Variants in ITGA6 observed in about 807,000 individuals in gnomAD.
ITGA6 encodes integrin alpha-6.
A neutral mutation model predicts 133.6 loss-of-function variants in ITGA6; 63 were observed. That is an observed-to-expected ratio of 0.47 (90% CI 0.38 to 0.58). The LOEUF (loss-of-function observed/expected upper bound fraction) is 0.58, where lower values mean the gene tolerates loss of function less well. Ranked by LOEUF, ITGA6 falls within the 20% of genes least tolerant of loss-of-function variation. ITGA6 has a pLI of 0.00. For missense variants in ITGA6, 1,068 were observed against 1,309.4 expected (o/e 0.82, Z 2.85); for synonymous variants, 434 against 482.0 (o/e 0.90, Z 1.30).
intron 11 of ITGA6, among the ~76,000 whole-genome samples, chr2:172,481,787 G>T (rs889304824): frequency 6.6e-6 from 1 of 152,262 alleles, no homozygotes; most frequent in Non-Finnish European, 1.5e-5. Context: ...GCATTTTGTC[G>T]AGTGTAGAAA....
chr2:172,469,624 T>A (rs1574369104), intron 4 of ITGA6, among the ~76,000 whole-genome samples: 1 of 152,192 alleles, frequency 6.6e-6, no homozygotes, highest in African/African-American at 2.4e-5. Flanking sequence ...AACTTTTTTT[T>A]AGCAGGAATA....
rs1255176355 is a variant in ITGA6, at chr2:172,427,964, A to G, written c.176A>G (p.Lys59Arg). Reference sequence around the variant, plus strand: ...CACTGGCAACTGCAGCCCGAGGACAAGCGGCTGTGAGTTCCCAGACCCTTC... The same window carrying G: ...CACTGGCAACTGCAGCCCGAGGACAGGCGGCTGTGAGTTCCCAGACCCTTC... ...AMHWQLQPEDKRLLLVGAPRA... is the reference protein window; with the variant it reads ...AMHWQLQPEDRRLLLVGAPRA... Residue 59 changes from lysine to arginine, a missense_variant, in exon 1 of 26, where the codon AAG becomes AGG. Lys to Arg is a conservative substitution (Grantham distance 26). Coordinates refer to ENST00000684293, the MANE Select transcript of ITGA6 (RefSeq NM_000210.4). 3 of 1,603,336 alleles carry G rather than the reference A, an allele frequency of 1.9e-6. No individual in the cohort carries two copies. In the Admixed American group the frequency reaches 5.1e-5, roughly 27 times the overall value.
Position 172,491,058 on chromosome 2 carries a change from C to T in ITGA6, c.2714C>T (p.Thr905Ile). 6.3e-7 allele frequency: 1 copy of T among 1,587,830 alleles called. No homozygotes were observed. Among genetic ancestry groups the T allele is most frequent in the Non-Finnish European group, 8.6e-7 (1 of 1,156,598 alleles). The change falls in exon 21 of 26, where the codon ACT becomes ATT. Residue 905 changes from threonine to isoleucine, a missense_variant. Thr to Ile is a moderately conservative substitution (Grantham distance 89, BLOSUM62 -1). This residue lies in a region of ITGA6 where 609 missense variants were observed against 707.2 expected (regional missense o/e 0.86). Coordinates refer to ENST00000684293, the MANE Select transcript of ITGA6 (RefSeq NM_000210.4). This position sits in a 1 kb window ranked among gnomAD's most constrained non-coding sequence, Gnocchi z 4.4. Reference protein sequence around the residue: ...SHNSRKKREITEKQIDDNRKF... With the variant: ...SHNSRKKREIIEKQIDDNRKF... ...AACTCAAGAAAGAAACGGGAAATTA[C>T]TGAAAAACAGATAGATGATAACAGA...
rs1387685042 is a variant in ITGA6 at position 172,448,441 on chromosome 2, TTG to T, written c.183-17094_183-17093del. Among the ~76,000 whole-genome samples the T allele has an allele frequency of 2.6e-5, 4 of 152,144 alleles. No individual in the cohort carries two copies. The South Asian group carries it at 8.3e-4, about 31-fold the overall frequency. On this transcript the variant is annotated intron_variant, in intron 1 of 25. Coordinates refer to ENST00000684293, the MANE Select transcript of ITGA6 (RefSeq NM_000210.4). ...TGGACAAGTTACTTGTCTTCTCAAT[TTG>T]TGTCCACATTTGTAAAATGGGTAAT...
chr2:172,444,709 T>C (rs999918707), intron 1 of ITGA6, among the ~76,000 whole-genome samples: 3 of 141,532 alleles, frequency 2.1e-5, no homozygotes, highest in African/African-American at 7.9e-5. Flanking sequence ...TTTCTTTCTC[T>C]ACTTCCCTGG....
In ITGA6 at chr2:172,460,010, A is replaced by G. The variant is rs1685366010; in HGVS notation, c.183-5529A>G. Among the ~76,000 whole-genome samples the G allele has an allele frequency of 2.6e-5, 4 of 152,238 alleles. No individual in the cohort carries two copies. The South Asian group carries it at 8.3e-4, about 31-fold the overall frequency. On this transcript the variant is annotated intron_variant, in intron 1 of 25. Transcript: ENST00000684293. The stretch of plus-strand genomic sequence containing the variant: ...AAAGGCAATGAGAAAAGCCAAGGAA[A>G]GCAAGAGTCATGGTCCAAATGTGAA...
intron 3 of ITGA6, among the ~76,000 whole-genome samples, chr2:172,467,869 C>A (rs1290973646): frequency 5.9e-5 from 9 of 152,076 alleles, no homozygotes; most frequent in African/African-American, 2.2e-4. Context: ...CGCCTGTAAT[C>A]CCAGCTACTT....
chr2:172,474,303 T>G, intron 6 of ITGA6, 38 bp downstream of exon 6: 1 of 1,564,404 alleles, frequency 6.4e-7, no homozygotes. Flanking sequence ...TGCAAATCAT[T>G]TCTGCTTTGA....
In ITGA6 at chr2:172,487,645, C is replaced by T. The variant is rs1451255991; in HGVS notation, c.2244+15C>T. 6.2e-7 allele frequency: 1 copy of T among 1,610,820 alleles called. No homozygotes were observed. The highest frequency in any genetic ancestry group is 1.7e-5 in the Admixed American group (1 of 60,016). Reference sequence around the variant, plus strand: ...GAAATTCAAATGTAGGTGATGCCTTCATATACTGTATTTTACTGTTTTAAA... The same window carrying T: ...GAAATTCAAATGTAGGTGATGCCTTTATATACTGTATTTTACTGTTTTAAA... On this transcript the variant is annotated intron_variant, in intron 16 of 25. Coordinates refer to ENST00000684293, the MANE Select transcript of ITGA6 (RefSeq NM_000210.4).
Position 172,488,162 on chromosome 2 carries a change from A to C in ITGA6, c.2439A>C (p.Thr813=), listed in dbSNP as rs763853126. 6.2e-7 allele frequency: 1 copy of C among 1,614,102 alleles called. No homozygotes were observed. Among genetic ancestry groups the C allele is most frequent in the East Asian group, 2.2e-5 (1 of 44,862 alleles). ...AKPSQVYFGG[T]VVGEQAMKSE... is the part of the protein sequence containing the mutation. ...CTTCCCAGGTGTATTTTGGAGGTACAGTTGTTGGCGAGCAAGCTATGAAAT... is the reference window on the plus strand; with the variant it reads ...CTTCCCAGGTGTATTTTGGAGGTACCGTTGTTGGCGAGCAAGCTATGAAAT... Residue 813 remains threonine, a synonymous_variant, in exon 19 of 26, where the codon ACA becomes ACC. Coordinates refer to ENST00000684293, the MANE Select transcript of ITGA6 (RefSeq NM_000210.4).
intron 1 of ITGA6, among the ~76,000 whole-genome samples, chr2:172,434,439 G>T (rs1238381376): frequency 6.6e-6 from 1 of 152,126 alleles, no homozygotes; most frequent in East Asian, 1.9e-4. Flanking sequence ...CCAGCATACC[G>T]ATTCCGAGGT....
chr2:172,467,026 G>A (rs6731691), intron 2 of ITGA6, among the ~76,000 whole-genome samples: 22,075 of 152,154 alleles, frequency 0.15, 1,720 homozygotes, highest in Non-Finnish European at 0.17. Context: ...CAGTAAAGAA[G>A]AGAACATTTA....
At chr2:172,428,052 G>C in intron 1 of ITGA6, 82 bp downstream of exon 1, 1 of 1,451,204 alleles carries the variant, frequency 6.9e-7, no homozygotes, top group Non-Finnish European at 9.2e-7. Context: ...TGTTCCCGCC[G>C]GCCCCGGGGA....
chr2:172,434,158 A>G (rs1684221380), intron 1 of ITGA6, among the ~76,000 whole-genome samples: 1 of 152,228 alleles, frequency 6.6e-6, no homozygotes, highest in Non-Finnish European at 1.5e-5. Flanking sequence ...TGGATTATTG[A>G]TGACAAAACT....
chr2:172,481,128 T>C (rs1042257251), intron 11 of ITGA6: 1 of 152,220 alleles, frequency 6.6e-6, no homozygotes. Context: ...AGGGACACTT[T>C]GTGAAGAACA....
chr2:172,450,763 T>C (rs1684953422), intron 1 of ITGA6, among the ~76,000 whole-genome samples: 1 of 150,860 alleles, frequency 6.6e-6, no homozygotes, highest in African/African-American at 2.4e-5. Flanking sequence ...GAGACCAGCC[T>C]GGCCAACATG....
At position 172,475,682 on chromosome 2, in the gene ITGA6, A is replaced by G; in HGVS notation, c.1266A>G (p.Thr422=). 6.4e-7 allele frequency: 1 copy of G among 1,557,384 alleles called. No homozygotes were observed. The highest frequency in any genetic ancestry group is 8.9e-7 in the Non-Finnish European group (1 of 1,128,322). The change falls in exon 8 of 26, where the codon ACA becomes ACG. Residue 422 remains threonine (T), a synonymous_variant. Transcript: ENST00000684293. Reference sequence around the variant, plus strand: ...CAAATGGAATAAATACCAAACCAACACAGGTAACCAAATAACCGGGATTTC... The same window carrying G: ...CAAATGGAATAAATACCAAACCAACGCAGGTAACCAAATAACCGGGATTTC... ...GSANGINTKP[T]QVLKGISPYF... is the part of the protein sequence containing the mutation.
chr2:172,458,216 A>G (rs994739528), intron 1 of ITGA6, among the ~76,000 whole-genome samples: 4 of 151,634 alleles, frequency 2.6e-5, no homozygotes, highest in African/African-American at 9.7e-5. Flanking sequence ...CAGAGCTTAA[A>G]TTGATTACAA....
intron 23 of ITGA6, among the ~76,000 whole-genome samples, chr2:172,495,048 T>C (rs571538183): frequency 1.7e-4 from 26 of 152,288 alleles, no homozygotes; most frequent in South Asian, 1.0e-3. Flanking sequence ...ATGTCCTTAA[T>C]AGATAATTTT....
Sources: gnomAD v4.1 joint callset for allele counts (sites outside exome capture counted in the v4.1 genomes callset) on GRCh38, gnomAD v4.1.1 for gene constraint, gnomAD v4.1.1 regional missense constraint, Gnocchi (gnomAD v3.1) non-coding constraint, MANE v1.5 for transcripts, NCBI Gene and HGNC (gene_info 2026-07-23, HGNC 2026-07-21) for gene names.